The following CADM2 variants were observed in gnomAD, a reference collection of about 807,000 sequenced individuals.
The protein encoded by CADM2 is cell adhesion molecule 2.
A neutral mutation model predicts 49.8 loss-of-function variants in CADM2; 12 were observed. The observed-to-expected ratio is 0.24, with a 90% confidence interval of 0.15 to 0.39. The LOEUF is 0.39. Among genes scored for constraint, CADM2 ranks in the 10% least tolerant of loss-of-function variants. CADM2 has a pLI of 1.00. For missense variants in CADM2, 378 were observed against 492.3 expected (o/e 0.77, Z 2.20); for synonymous variants, 214 against 175.4 (o/e 1.22, Z -1.74).
In CADM2 at chr3:84,968,772, T is replaced by A. The variant is rs2031200386; in HGVS notation, c.61+9104T>A. Among the ~76,000 whole-genome samples, 3 of 152,076 alleles carry A rather than the reference T, an allele frequency of 2.0e-5. No homozygotes were observed. The South Asian group carries it at 6.2e-4, about 31-fold the overall frequency. On this transcript the variant is annotated intron_variant, in intron 1 of 9. Coordinates refer to ENST00000383699, the MANE Select transcript of CADM2 (RefSeq NM_001167675.2). ...TGTTCCTAAGTCAATACTCTATTCCTTAACTAGCCCATTAACACATCTTGC... is the reference window on the plus strand; with the variant it reads ...TGTTCCTAAGTCAATACTCTATTCCATAACTAGCCCATTAACACATCTTGC...
intron 8 of CADM2, among the ~76,000 whole-genome samples, chr3:85,970,404 A>T (rs1725976172): frequency 6.6e-6 from 1 of 151,516 alleles, no homozygotes; most frequent in Admixed American, 6.6e-5. Flanking sequence ...ATGCTTATTC[A>T]CAATTATTCT....
intron 1 of CADM2, among the ~76,000 whole-genome samples, chr3:85,317,166 A>T (rs1391004294): frequency 6.6e-6 from 1 of 152,078 alleles, no homozygotes; most frequent in Non-Finnish European, 1.5e-5. Flanking sequence ...AGGGTGACAA[A>T]AATGAAATTC....
intron 1 of CADM2, among the ~76,000 whole-genome samples, chr3:85,723,410 T>A (rs1375149583): frequency 6.6e-6 from 1 of 152,144 alleles, no homozygotes; most frequent in African/African-American, 2.4e-5. Context: ...TGACTTCTAA[T>A]TGGACTATGC....
At chr3:85,322,350 T>G (rs1017976705) in intron 1 of CADM2, among the ~76,000 whole-genome samples, 3 of 152,200 alleles carry the variant, frequency 2.0e-5, no homozygotes, top group Non-Finnish European at 2.9e-5. Flanking sequence ...TGTCTTCCCA[T>G]GCAAAACCTA....
chr3:85,507,477 C>T (rs930618913), intron 1 of CADM2, among the ~76,000 whole-genome samples: 3 of 152,112 alleles, frequency 2.0e-5, no homozygotes, highest in Non-Finnish European at 4.4e-5. Flanking sequence ...GCGTGAGCCA[C>T]CATGCCCGGC....
At chr3:85,289,516 A>C (rs1212209776) in intron 1 of CADM2, among the ~76,000 whole-genome samples, 2 of 152,232 alleles carry the variant, frequency 1.3e-5, no homozygotes, top group Admixed American at 1.3e-4. Context: ...ACAGCCAGTC[A>C]AGCCCCAACA....
intron 1 of CADM2, among the ~76,000 whole-genome samples, chr3:85,146,458 A>G (rs2039744404): frequency 6.6e-6 from 1 of 152,132 alleles, no homozygotes; most frequent in Non-Finnish European, 1.5e-5. Flanking sequence ...CTTTAATGGT[A>G]TCTTAGATCT....
intron 1 of CADM2, among the ~76,000 whole-genome samples, chr3:85,127,665 T>C (rs182502538): frequency 2.2e-4 from 34 of 152,200 alleles, no homozygotes; most frequent in Admixed American, 1.5e-3. Flanking sequence ...ATGGCTTCTA[T>C]TTTTCTCTTC....
intron 1 of CADM2, among the ~76,000 whole-genome samples, chr3:85,040,179 G>A (rs2035380483): frequency 1.3e-5 from 2 of 152,144 alleles, no homozygotes; most frequent in South Asian, 4.1e-4. Context: ...TTAAAAGAAC[G>A]TTTTAGGTTT....
At chr3:85,805,316 A>G (rs1186317741) in intron 3 of CADM2, 1 of 152,078 alleles carries the variant, frequency 6.6e-6, no homozygotes, top group East Asian at 1.9e-4. Flanking sequence ...AAGCCTATGT[A>G]TGTGTTTGTG....
chr3:86,013,032 G>A (rs1577948502), intron 8 of CADM2: 3 of 1,072,492 alleles, frequency 2.8e-6, no homozygotes, highest in East Asian at 4.7e-5. Context: ...TGCCAAACAT[G>A]AGACCTCTAT....
intron 1 of CADM2, among the ~76,000 whole-genome samples, chr3:85,418,162 C>A (rs2035999181): frequency 6.6e-6 from 1 of 151,552 alleles, no homozygotes; most frequent in Non-Finnish European, 1.5e-5. Context: ...TTATGCCAGT[C>A]CAGGAAATAT....
At chr3:85,962,615 A>G (rs1724974769) in intron 8 of CADM2, among the ~76,000 whole-genome samples, 1 of 151,916 alleles carries the variant, frequency 6.6e-6, no homozygotes, top group Admixed American at 6.6e-5. Context: ...TTAGATGGAG[A>G]TGAATTTTTA....
intron 1 of CADM2, among the ~76,000 whole-genome samples, chr3:85,311,577 C>T (rs755117186): frequency 6.6e-6 from 1 of 151,750 alleles, no homozygotes; most frequent in African/African-American, 2.4e-5. Flanking sequence ...GGGGTTTCAC[C>T]GTGTTAGCCA....
chr3:85,402,455 G>GT (rs201932171), intron 1 of CADM2, among the ~76,000 whole-genome samples: 50 of 151,402 alleles, frequency 3.3e-4, no homozygotes, highest in Middle Eastern at 3.4e-3. Context: ...TTTTGTCTTA[G>GT]TTTTTTTTGT....
intron 8 of CADM2, among the ~76,000 whole-genome samples, chr3:86,009,103 G>A (rs1246784482): frequency 6.8e-6 from 1 of 146,884 alleles, no homozygotes; most frequent in African/African-American, 2.5e-5. Flanking sequence ...GTGTGTGTGT[G>A]TGTGTATAAA....
chr3:85,152,060 G>C (rs948074560), intron 1 of CADM2, among the ~76,000 whole-genome samples: 3 of 151,912 alleles, frequency 2.0e-5, no homozygotes, highest in Non-Finnish European at 4.4e-5. Context: ...TATATATCAC[G>C]AACTTCAAGT....
intron 1 of CADM2, among the ~76,000 whole-genome samples, chr3:85,296,558 C>T (rs1286306249): frequency 6.6e-6 from 1 of 151,924 alleles, no homozygotes; most frequent in Non-Finnish European, 1.5e-5. Flanking sequence ...ACTACAAATT[C>T]TGCTACATAC....
At chr3:85,942,346 T>C (rs1422931502) in intron 7 of CADM2, among the ~76,000 whole-genome samples, 1 of 151,916 alleles carries the variant, frequency 6.6e-6, no homozygotes, top group Non-Finnish European at 1.5e-5. Flanking sequence ...GTTTGTTTTT[T>C]ATTATACCTT....
Sources: gnomAD v4.1 joint callset for allele counts (sites outside exome capture counted in the v4.1 genomes callset) on GRCh38, gnomAD v4.1.1 for gene constraint, MANE v1.5 for transcripts, NCBI Gene and HGNC (gene_info 2026-07-23, HGNC 2026-07-21) for gene names.